GCAT: variants seen among roughly 807,000 people sequenced by gnomAD.
The protein encoded by GCAT is glycine C-acetyltransferase, also known as 2-amino-3-ketobutyrate coenzyme A ligase, mitochondrial.
Under a neutral mutation model 39.7 loss-of-function variants are expected in GCAT, and 26 were observed. The observed-to-expected ratio is 0.65, with a 90% confidence interval of 0.48 to 0.91. The LOEUF (loss-of-function observed/expected upper bound fraction) is 0.91, where lower values mean the gene tolerates loss of function less well. GCAT is among the 40% of genes least tolerant of loss of function. GCAT has a pLI of 0.00. For synonymous variants in GCAT, 218 were observed against 237.2 expected, an observed-to-expected ratio of 0.92 and a Z score of 0.74; for missense variants, 550 against 576.2, an observed-to-expected ratio of 0.95 and a Z score of 0.47.
intron 3 of GCAT, 155 bp from the exon 4 acceptor site, chr22:37,813,308 C>A: frequency 1.2e-6 from 1 of 828,698 alleles, no homozygotes; most frequent in Non-Finnish European, 2.0e-6. Context: ...GGCACTGAGA[C>A]ACGGGGGCCC....
In GCAT at chr22:37,807,934, A is replaced by T; in HGVS notation, c.-34A>T. 6.9e-7 allele frequency: 1 copy of T among 1,442,452 alleles called. No individual in the cohort carries two copies. Among genetic ancestry groups the T allele is most frequent in the Non-Finnish European group, 9.1e-7 (1 of 1,103,350 alleles). The allele number at this position is 1,442,452 out of a possible 1,614,324, so 89.4% of individuals were successfully genotyped here. A position where few individuals can be genotyped will look rare whatever the true frequency, so the allele number is the denominator to read the frequency against. ...TGCGTCCGCGATGCGCACGGCTCCC[A>T]GGCAGGCAGGCGCGCTCGGGCGAGG... On this transcript the variant is annotated 5_prime_UTR_variant, in exon 1 of 9. Transcript: ENST00000248924.
chr22:37,813,016 G>C, intron 3 of GCAT, 28 bp downstream of exon 3: 1 of 1,485,880 alleles, frequency 6.7e-7, no homozygotes. Context: ...TGCGGGTGAG[G>C]GTTGGTGGGG....
chr22:37,810,935 C>T (rs1485397525), intron 2 of GCAT, among the ~76,000 whole-genome samples: 1 of 152,090 alleles, frequency 6.6e-6, no homozygotes, highest in Non-Finnish European at 1.5e-5. Flanking sequence ...CCTTTTTGAG[C>T]ATTCATTTTC....
chr22:37,808,450 G>A lies in GCAT; in HGVS notation c.196+287G>A, dbSNP rs895386062. Reference sequence around the variant, plus strand: ...GAACTCCTGCTAACTTCTAGACGCAGGAATGACTAATTCCACTTTACAAAC... The same window carrying A: ...GAACTCCTGCTAACTTCTAGACGCAAGAATGACTAATTCCACTTTACAAAC... On this transcript the variant is annotated intron_variant, in intron 1 of 8. Transcript: ENST00000248924. 1.1e-4 allele frequency among the ~76,000 whole-genome samples: 16 copies of A among 152,298 alleles called. 1 individual carries two copies. The highest frequency in any genetic ancestry group is 6.2e-4 in the South Asian group (3 of 4,830).
rs1369895447 is a variant in GCAT, at chr22:37,810,154, C to A, written c.324C>A (p.Thr108=). 6.2e-7 allele frequency: 1 copy of A among 1,605,198 alleles called. No individual in the cohort carries two copies. The highest frequency in any genetic ancestry group is 2.2e-5 in the East Asian group (1 of 44,844). Residue 108 remains threonine (T), a synonymous_variant, in exon 2 of 9, where the codon ACC becomes ACA. Coordinates refer to ENST00000248924, the MANE Select transcript of GCAT (RefSeq NM_014291.4). ...GLSSVRFICG[T]QSIHKNLEAK... is the part of the protein sequence containing the mutation. ...GCTCTGTCCGCTTTATCTGTGGAACCCAGGTACACAGTGAGTGGTGGGGGG... is the reference window on the plus strand; with the variant it reads ...GCTCTGTCCGCTTTATCTGTGGAACACAGGTACACAGTGAGTGGTGGGGGG...
In GCAT at chr22:37,816,712, G is replaced by A. The variant is rs137871964; in HGVS notation, c.1254G>A (p.Leu418=). 62 of 1,613,824 alleles carry A rather than the reference G, an allele frequency of 3.8e-5. No individual in the cohort carries two copies. The highest frequency in any genetic ancestry group is 5.2e-5 in the Non-Finnish European group (61 of 1,180,022). Reference sequence around the variant, plus strand: ...AAGTGGGGCGACTGCACGGGGCACTGCCCTGAGCTCTGGGTAAGGACGAGA... The same window carrying A: ...AAGTGGGGCGACTGCACGGGGCACTACCCTGAGCTCTGGGTAAGGACGAGA... ...FVEVGRLHGA[L]P is the part of the protein sequence containing the mutation. The change falls in exon 9 of 9, where the codon CTG becomes CTA. Residue 418 remains leucine (L), a synonymous_variant. Coordinates refer to ENST00000248924, the MANE Select transcript of GCAT (RefSeq NM_014291.4).
intron 3 of GCAT, 178 bp from the exon 4 acceptor site, chr22:37,813,285 G>A (rs1370939123): frequency 1.1e-5 from 8 of 737,540 alleles, no homozygotes; most frequent in African/African-American, 5.2e-5. Context: ...AGAGCAGGGC[G>A]CTGGTCCAGC....
chr22:37,809,855 A>G, intron 1 of GCAT, 172 bp from the exon 2 acceptor site: 1 of 774,696 alleles, frequency 1.3e-6, no homozygotes, highest in Non-Finnish European at 2.2e-6. Context: ...GCTCTTCAAG[A>G]TGTGTAGCAC....
intron 1 of GCAT, among the ~76,000 whole-genome samples, chr22:37,808,596 G>A (rs922552973): frequency 2.6e-5 from 4 of 152,236 alleles, no homozygotes; most frequent in East Asian, 3.8e-4. Context: ...CAGCTTGCTG[G>A]GTAAACTCAT....
intron 1 of GCAT, among the ~76,000 whole-genome samples, chr22:37,809,437 G>A (rs1439334089): frequency 6.6e-6 from 1 of 152,124 alleles, no homozygotes; most frequent in Non-Finnish European, 1.5e-5. Flanking sequence ...GAAACCAAGG[G>A]GTCAGATAAG....
chr22:37,809,895 G>A, intron 1 of GCAT, 132 bp from the exon 2 acceptor site: 2 of 1,156,546 alleles, frequency 1.7e-6, no homozygotes, highest in Non-Finnish European at 1.3e-6. Context: ...GTTGAATTTG[G>A]TGCCTCCTCA....
chr22:37,816,750 C>G lies in GCAT; in HGVS notation c.*32C>G, dbSNP rs375924476. 4 of 1,610,810 alleles carry G rather than the reference C, an allele frequency of 2.5e-6. No individual in the cohort carries two copies. The African/African-American group carries it at 5.3e-5, about 22-fold the overall frequency. On this transcript the variant is annotated 3_prime_UTR_variant, in exon 9 of 9. Coordinates refer to ENST00000248924, the MANE Select transcript of GCAT (RefSeq NM_014291.4). The stretch of plus-strand genomic sequence containing the variant: ...GGTAAGGACGAGAAGAGCCAAGGTC[C>G]GCCTACTGCCACAGGGTCAAAGGAG...
chr22:37,809,460 G>A (rs1403417700), intron 1 of GCAT, among the ~76,000 whole-genome samples: 1 of 152,146 alleles, frequency 6.6e-6, no homozygotes, highest in East Asian at 1.9e-4. Context: ...GTCAGTGGTG[G>A]TCTTCAGGCA....
intron 1 of GCAT, among the ~76,000 whole-genome samples, chr22:37,808,611 A>T (rs1026000616): frequency 6.6e-6 from 1 of 152,222 alleles, no homozygotes; most frequent in Non-Finnish European, 1.5e-5. Flanking sequence ...ACTCATAGCA[A>T]GCAAGGGGTC....
chr22:37,810,282 G>C lies in GCAT; in HGVS notation c.327+125G>C. 5.5e-6 allele frequency: 4 copies of C among 732,284 alleles called. No homozygotes were observed. The South Asian group carries it at 6.5e-5, about 12-fold the overall frequency. The allele number at this position is 732,284 out of a possible 1,614,324, so 45.4% of individuals were successfully genotyped here. On this transcript the variant is annotated intron_variant, in intron 2 of 8. Transcript: ENST00000248924. Reference sequence around the variant, plus strand: ...TGGGCCTACTGTTGGCCTCAGAGCTGTGCAGCAGAAAGGCTGAGTGCAGGC... The same window carrying C: ...TGGGCCTACTGTTGGCCTCAGAGCTCTGCAGCAGAAAGGCTGAGTGCAGGC...
chr22:37,816,764 G>C lies in GCAT; in HGVS notation c.*46G>C. On this transcript the variant is annotated 3_prime_UTR_variant, in exon 9 of 9. Transcript: ENST00000248924. The stretch of plus-strand genomic sequence containing the variant: ...GAGCCAAGGTCCGCCTACTGCCACA[G>C]GGTCAAAGGAGGTTTTCGATCAGCC... The C allele has an allele frequency of 6.2e-7, 1 of 1,603,590 alleles. No homozygotes were observed. The highest frequency in any genetic ancestry group is 8.5e-7 in the Non-Finnish European group (1 of 1,172,032).
chr22:37,813,715 C>T, intron 4 of GCAT, 106 bp downstream of exon 4: 1 of 1,068,002 alleles, frequency 9.4e-7, no homozygotes, highest in South Asian at 1.6e-5. Flanking sequence ...TTTGAAACAG[C>T]AGAGATTTGT....
At chr22:37,812,830 G>A (rs919956810) in intron 2 of GCAT, 57 bp from the exon 3 acceptor site, 58 of 1,221,646 alleles carry the variant, frequency 4.7e-5, no homozygotes, top group Middle Eastern at 2.6e-4. Flanking sequence ...CTGTCCCCTC[G>A]AACTTGTCCC....
rs138425464 is a variant in GCAT, at chr22:37,815,774, C to T, written c.926C>T (p.Ala309Val). 2.3e-4 allele frequency: 368 copies of T among 1,613,866 alleles called. No homozygotes were observed. Among genetic ancestry groups the T allele is most frequent in the Non-Finnish European group, 3.0e-4 (349 of 1,179,928 alleles). The part of the protein sequence containing the change: ...PPAVVGCASK[A>V]LDLLMGSNTI... The stretch of plus-strand genomic sequence containing the variant: ...GCTGTCGTTGGCTGCGCCTCCAAGG[C>T]CCTAGATCTGCTGATGGGGAGTAAC... Residue 309 changes from alanine to valine, a missense_variant, in exon 7 of 9, where the codon GCC (alanine) becomes GTC (valine). Physicochemically the swap from Ala to Val is moderately conservative, Grantham distance 64. Around this residue, in one of 3 missense-constraint regions of GCAT, gnomAD observed 378 missense variants for 390.4 expected, o/e 0.97. Transcript: ENST00000248924.
Sources: allele counts gnomAD v4.1 joint callset (sites outside exome capture counted in the v4.1 genomes callset), GRCh38; gene constraint gnomAD v4.1.1; regional missense constraint gnomAD v4.1.1; transcripts MANE v1.5; gene names NCBI Gene and HGNC (gene_info 2026-07-23, HGNC 2026-07-21).